AHCY: variants seen among roughly 807,000 people sequenced by gnomAD.
The protein encoded by AHCY is adenosylhomocysteinase, also known as S-adenosyl-L-homocysteine hydrolase.
A neutral mutation model predicts 45.4 loss-of-function variants in AHCY; 24 were observed. The ratio of observed to expected loss-of-function variants is 0.53; its 90% CI spans 0.38 to 0.74. The LOEUF is 0.74. Ranked by LOEUF, AHCY falls within the 30% of genes least tolerant of loss-of-function variation. The pLI is 0.00. For synonymous variants in AHCY, 245 were observed against 235.1 expected, an observed-to-expected ratio of 1.04 and a Z score of -0.39; for missense variants, 449 against 594.1, an observed-to-expected ratio of 0.76 and a Z score of 2.54.
chr20:34,301,942 T>C, intron 1 of AHCY: 5 of 985,434 alleles, frequency 5.1e-6, no homozygotes, highest in Non-Finnish European at 6.0e-6. Context: ...TCACCAGATA[T>C]ACAGCAAGTG....
At chr20:34,286,747 T>C (rs548109728) in intron 8 of AHCY, among the ~76,000 whole-genome samples, 2 of 143,238 alleles carry the variant, frequency 1.4e-5, no homozygotes, top group South Asian at 2.2e-4. Context: ...GCCAGGCGAA[T>C]CGCTTGAACC....
intron 1 of AHCY, among the ~76,000 whole-genome samples, chr20:34,310,809 A>G (rs2122855508): frequency 6.6e-6 from 1 of 152,318 alleles, no homozygotes; most frequent in East Asian, 1.9e-4. Context: ...CCTGGGCAAC[A>G]AAGCGAGACC....
the AHCY span, among the ~76,000 whole-genome samples, chr20:34,270,363 G>A: frequency 6.6e-6 from 1 of 152,136 alleles, no homozygotes. Flanking sequence ...CCCCACACAG[G>A]AAAGCTGCCA....
chr20:34,304,204 T>C (rs2036866081), upstream of AHCY, among the ~76,000 whole-genome samples: 1 of 152,232 alleles, frequency 6.6e-6, no homozygotes, highest in South Asian at 2.1e-4. Flanking sequence ...CAACTTGCTT[T>C]TTTCTGTGAG....
At chr20:34,257,141 T>G in the AHCY span, among the ~76,000 whole-genome samples, 1 of 151,458 alleles carries the variant, frequency 6.6e-6, no homozygotes, top group Non-Finnish European at 1.5e-5. Flanking sequence ...TGGAGTGAAG[T>G]GGTACGATCT....
chr20:34,290,648 GAC>G lies in AHCY; in HGVS notation c.767-12_767-11del, dbSNP rs1222112201. 2.5e-6 allele frequency: 4 copies of G among 1,614,056 alleles called. No individual in the cohort carries two copies. The highest frequency in any genetic ancestry group is 3.4e-6 in the Non-Finnish European group (4 of 1,179,996). ...GTGGTCACCTCATAGCCTGTGCAGAGACAGTGGCTGTGGGTCATCTACGGTGG... is the reference window on the plus strand; with the variant it reads ...GTGGTCACCTCATAGCCTGTGCAGAGAGTGGCTGTGGGTCATCTACGGTGG... On this transcript the variant is annotated splice_polypyrimidine_tract_variant and intron_variant, in intron 6 of 9. Transcript: ENST00000217426. This position sits in a 1 kb window ranked among gnomAD's most constrained non-coding sequence, Gnocchi z 4.5.
At chr20:34,269,525 T>C in the AHCY span, among the ~76,000 whole-genome samples, 1,999 of 151,940 alleles carry the variant, frequency 0.013, 42 homozygotes, top group African/African-American at 0.045. Context: ...CCTTTAAACC[T>C]GGGAACACCC....
At chr20:34,249,603 C>CA in the AHCY span, among the ~76,000 whole-genome samples, 1 of 152,142 alleles carries the variant, frequency 6.6e-6, no homozygotes, top group South Asian at 2.1e-4. Flanking sequence ...TAATGCTCTC[C>CA]TGTCACCATC....
chr20:34,269,259 C>G, the AHCY span: 3 of 1,398,412 alleles, frequency 2.1e-6, no homozygotes, highest in Non-Finnish European at 2.8e-6. Flanking sequence ...CTTCCCAGGG[C>G]TGCAGGCGGG....
At chr20:34,251,464 C>T in the AHCY span, among the ~76,000 whole-genome samples, 3 of 151,808 alleles carry the variant, frequency 2.0e-5, no homozygotes, top group African/African-American at 2.4e-5. Flanking sequence ...TTAATAGAGA[C>T]GGGGTTTTAC....
At chr20:34,272,046 C>CA in the AHCY span, among the ~76,000 whole-genome samples, 104,456 of 145,852 alleles carry the variant, frequency 0.72, 41,118 homozygotes, top group Non-Finnish European at 0.88. Context: ...AACGTGCCTC[C>CA]AAAAAAAAAA....
the AHCY span, chr20:34,269,130 G>T: frequency 1.3e-6 from 2 of 1,554,314 alleles, no homozygotes; most frequent in Admixed American, 1.9e-5. Flanking sequence ...TTCTTCCGCA[G>T]CGCCTGCTCC....
At chr20:34,252,528 C>T in the AHCY span, among the ~76,000 whole-genome samples, 62 of 152,244 alleles carry the variant, frequency 4.1e-4, no homozygotes, top group African/African-American at 1.4e-3. Flanking sequence ...AGCCACAGGG[C>T]GGTTTTCTCC....
chr20:34,300,685 T>C (rs753763802), intron 1 of AHCY, among the ~76,000 whole-genome samples: 2 of 152,136 alleles, frequency 1.3e-5, no homozygotes, highest in African/African-American at 2.4e-5. Context: ...ATAAGATGAG[T>C]TGGGACTTCA....
chr20:34,301,789 TG>T (rs1165136505), intron 1 of AHCY: 2 of 984,832 alleles, frequency 2.0e-6, no homozygotes, highest in South Asian at 9.4e-5. Context: ...ATCCACACAA[TG>T]GAGACAGTCT....
the AHCY span, among the ~76,000 whole-genome samples, chr20:34,233,527 A>C: frequency 6.6e-6 from 1 of 152,154 alleles, no homozygotes; most frequent in Non-Finnish European, 1.5e-5. Context: ...TGGTTGCACA[A>C]CTCTGTGAAT....
chr20:34,245,840 G>GAATATATATATATTCTACAGTA, the AHCY span: 3 of 765,088 alleles, frequency 3.9e-6, no homozygotes, highest in Non-Finnish European at 5.0e-6. Flanking sequence ...TTTTACTGTA[G>GAATATATATATATTCTACAGTA]AATATATATA....
At chr20:34,287,334 T>C (rs2036220453) in intron 8 of AHCY, among the ~76,000 whole-genome samples, 1 of 151,918 alleles carries the variant, frequency 6.6e-6, no homozygotes, top group African/African-American at 2.4e-5. Flanking sequence ...GTGTGGGCAT[T>C]GCCTCTGCCA....
At chr20:34,266,737 C>A in the AHCY span, among the ~76,000 whole-genome samples, 1 of 152,144 alleles carries the variant, frequency 6.6e-6, no homozygotes, top group Non-Finnish European at 1.5e-5. Context: ...ACTAAGGACA[C>A]GTTAGCACCA....
Sources: gnomAD v4.1 joint callset for allele counts (sites outside exome capture counted in the v4.1 genomes callset) on GRCh38, gnomAD v4.1.1 for gene constraint, Gnocchi (gnomAD v3.1) non-coding constraint, MANE v1.5 for transcripts, NCBI Gene and HGNC (gene_info 2026-07-23, HGNC 2026-07-21) for gene names.